LEPROTL1: variants seen among roughly 807,000 people sequenced by gnomAD.
LEPROTL1 encodes the protein leptin receptor overlapping transcript-like 1.
In LEPROTL1, 6 loss-of-function variants were observed where a neutral mutation model predicts 15.4. The observed-to-expected ratio is 0.39, with a 90% confidence interval of 0.21 to 0.77. The LOEUF is 0.77. LEPROTL1 is among the 30% of genes least tolerant of loss of function. The probability of loss-of-function intolerance (pLI) is 0.41; values close to 1 mark genes in which losing one functional copy is unlikely to be tolerated. For missense variants in LEPROTL1, 128 were observed against 158.1 expected, an observed-to-expected ratio of 0.81 and a Z score of 1.02; for synonymous variants, 56 against 52.6, an observed-to-expected ratio of 1.06 and a Z score of -0.28.
At chr8:30,115,654 A>G (rs1297550994) in intron 3 of LEPROTL1, among the ~76,000 whole-genome samples, 1 of 150,578 alleles carries the variant, frequency 6.6e-6, no homozygotes, top group African/African-American at 2.5e-5. Context: ...AAAAGGCCCA[A>G]GAGAGAAATA....
chr8:30,114,593 C>T (rs1484041223), intron 3 of LEPROTL1, among the ~76,000 whole-genome samples: 1 of 152,108 alleles, frequency 6.6e-6, no homozygotes, highest in Admixed American at 6.6e-5. Flanking sequence ...GCCCAGCTTA[C>T]ATGACATTTT....
chr8:30,132,547 C>T (rs1384228992), intron 4 of LEPROTL1: 1 of 1,551,622 alleles, frequency 6.4e-7, no homozygotes, highest in African/African-American at 1.4e-5. Flanking sequence ...GAATTGCTGG[C>T]AATCAGTCAG....
intron 3 of LEPROTL1, among the ~76,000 whole-genome samples, chr8:30,125,125 G>A (rs1802886569): frequency 6.6e-6 from 1 of 152,158 alleles, no homozygotes. Context: ...CTCACTTGTT[G>A]TAACTTAAAA....
chr8:30,113,096 C>A (rs1406460806), downstream of LEPROTL1, among the ~76,000 whole-genome samples: 1 of 144,502 alleles, frequency 6.9e-6, no homozygotes, highest in Non-Finnish European at 1.5e-5. Context: ...TATGGTGAAA[C>A]CCCGTCTCTC....
intron 3 of LEPROTL1, among the ~76,000 whole-genome samples, chr8:30,113,723 G>A (rs914617360): frequency 2.0e-5 from 3 of 152,146 alleles, no homozygotes; most frequent in African/African-American, 7.2e-5. Flanking sequence ...GCAGCACATC[G>A]TTTTCATCCG....
At chr8:30,112,694 G>A (rs564064590), downstream of LEPROTL1, among the ~76,000 whole-genome samples, 3 of 151,924 alleles carry the variant, frequency 2.0e-5, no homozygotes, top group Non-Finnish European at 2.9e-5. Context: ...AACCTTAGCC[G>A]AGTTATTTAA....
At chr8:30,135,053 TG>T (rs1157695445) in intron 4 of LEPROTL1, among the ~76,000 whole-genome samples, 4 of 69,234 alleles carry the variant, frequency 5.8e-5, no homozygotes, top group Non-Finnish European at 8.1e-5. Flanking sequence ...TTAATTTTTG[TG>T]GGTTTTTTTT....
intron 3 of LEPROTL1, among the ~76,000 whole-genome samples, chr8:30,113,807 G>A (rs1425375607): frequency 6.6e-6 from 1 of 152,132 alleles, no homozygotes; most frequent in Non-Finnish European, 1.5e-5. Flanking sequence ...TCCAGCCAGG[G>A]GGTCTCCATG....
At chr8:30,129,711 T>TCA (rs35105107) in intron 3 of LEPROTL1, among the ~76,000 whole-genome samples, 22,572 of 128,130 alleles carry the variant, frequency 0.18, 1,889 homozygotes, top group South Asian at 0.23. Flanking sequence ...TGAGACCCTG[T>TCA]CACACACACA....
chr8:30,115,009 C>G (rs190980229), intron 3 of LEPROTL1, among the ~76,000 whole-genome samples: 1 of 152,254 alleles, frequency 6.6e-6, no homozygotes, highest in African/African-American at 2.4e-5. Flanking sequence ...CTTTATACAA[C>G]TTTTCCCTTA....
intron 3 of LEPROTL1, among the ~76,000 whole-genome samples, chr8:30,116,680 G>A (rs935025512): frequency 1.8e-4 from 28 of 152,206 alleles, no homozygotes; most frequent in African/African-American, 6.0e-4. Flanking sequence ...CGTGATAAAT[G>A]TCCTTCTGTT....
chr8:30,132,941 T>G (rs1057135383), intron 4 of LEPROTL1: 3 of 1,474,062 alleles, frequency 2.0e-6, no homozygotes, highest in Non-Finnish European at 2.7e-6. Context: ...ATAAAAACAC[T>G]CTGTATTTAT....
chr8:30,137,295 C>G (rs1803169165), exon 5 of LEPROTL1: 1 of 1,551,602 alleles, frequency 6.4e-7, no homozygotes, highest in East Asian at 2.4e-5. Context: ...CCTTCTTCAG[C>G]AAGATGGGAA....
At chr8:30,117,187 A>C (rs1802755158) in intron 3 of LEPROTL1, among the ~76,000 whole-genome samples, 1 of 152,170 alleles carries the variant, frequency 6.6e-6, no homozygotes, top group African/African-American at 2.4e-5. Context: ...ATGGTAATGA[A>C]AAATCAAAAT....
chr8:30,097,147 C>G (rs1405751594), intron 1 of LEPROTL1, among the ~76,000 whole-genome samples: 1 of 152,150 alleles, frequency 6.6e-6, no homozygotes, highest in Non-Finnish European at 1.5e-5. Context: ...TTGCATCACT[C>G]AATTACTGTA....
chr8:30,122,082 G>A (rs956035151), intron 3 of LEPROTL1, among the ~76,000 whole-genome samples: 2 of 151,312 alleles, frequency 1.3e-5, no homozygotes, highest in Non-Finnish European at 2.9e-5. Flanking sequence ...CAGGAGAATC[G>A]CTTGAACCCG....
At chr8:30,101,171 A>G (rs549764620) in intron 1 of LEPROTL1, among the ~76,000 whole-genome samples, 1 of 152,184 alleles carries the variant, frequency 6.6e-6, no homozygotes. Context: ...AGGTTTTCCT[A>G]TAGGATGAGG....
chr8:30,113,486 T>C (rs1437785333), downstream of LEPROTL1, among the ~76,000 whole-genome samples: 1 of 152,154 alleles, frequency 6.6e-6, no homozygotes, highest in Non-Finnish European at 1.5e-5. Flanking sequence ...CTGTCATCGC[T>C]GCAAGTGGTG....
chr8:30,099,767 A>T (rs1802433134), intron 1 of LEPROTL1, among the ~76,000 whole-genome samples: 1 of 151,412 alleles, frequency 6.6e-6, no homozygotes, highest in African/African-American at 2.4e-5. Flanking sequence ...TTTAGTGCTC[A>T]GTGAATATTT....
Sources: allele counts gnomAD v4.1 joint callset (sites outside exome capture counted in the v4.1 genomes callset), GRCh38; gene constraint gnomAD v4.1.1; transcripts MANE v1.5; gene names NCBI Gene and HGNC (gene_info 2026-07-23, HGNC 2026-07-21).